Variants in KCNN2 observed in about 807,000 individuals in gnomAD.
KCNN2 encodes small conductance calcium-activated potassium channel protein 2.
In KCNN2, 24 loss-of-function variants were observed where a neutral mutation model predicts 55.5. That is an observed-to-expected ratio of 0.43 (90% confidence interval 0.31 to 0.61). KCNN2 has a LOEUF of 0.61. Ranked by LOEUF, KCNN2 falls within the 20% of genes least tolerant of loss-of-function variation. The pLI is 0.08. For synonymous variants in KCNN2, 431 were observed against 336.1 expected (o/e 1.28, Z -3.09); for missense variants, 754 against 853.6 (o/e 0.88, Z 1.45).
chr5:114,382,804 G>A (rs774818272), intron 2 of KCNN2, among the ~76,000 whole-genome samples: 11 of 152,174 alleles, frequency 7.2e-5, no homozygotes, highest in Non-Finnish European at 1.6e-4. Context: ...CTGGAAACTG[G>A]CCACTCCAAG....
intron 3 of KCNN2, among the ~76,000 whole-genome samples, chr5:114,429,147 T>C (rs965645252): frequency 6.6e-6 from 1 of 152,152 alleles, no homozygotes; most frequent in African/African-American, 2.4e-5. Context: ...ACTGAAAAAC[T>C]GTCTTCCAAA....
At chr5:114,437,985 G>A (rs183758294) in intron 3 of KCNN2, among the ~76,000 whole-genome samples, 6 of 152,188 alleles carry the variant, frequency 3.9e-5, no homozygotes, top group African/African-American at 7.2e-5. Context: ...ATGTTTAAAT[G>A]TTGTGACCAG....
chr5:114,385,993 A>C (rs941840809), intron 2 of KCNN2, among the ~76,000 whole-genome samples: 1 of 151,680 alleles, frequency 6.6e-6, no homozygotes, highest in African/African-American at 2.4e-5. Flanking sequence ...CCTGGCTAAC[A>C]TGGTGAAACC....
At chr5:114,072,305 A>G (rs1399621215) in intron 1 of KCNN2, among the ~76,000 whole-genome samples, 2 of 151,624 alleles carry the variant, frequency 1.3e-5, no homozygotes, top group Admixed American at 1.3e-4. Context: ...AAAAAAAAAA[A>G]GTAATGTCGA....
chr5:114,204,478 A>C (rs1234264398), intron 1 of KCNN2, among the ~76,000 whole-genome samples: 1 of 152,226 alleles, frequency 6.6e-6, no homozygotes, highest in East Asian at 1.9e-4. Flanking sequence ...CTTGAAGTTT[A>C]GAGACCTTTT....
At chr5:114,123,228 G>C (rs1222753529) in intron 1 of KCNN2, among the ~76,000 whole-genome samples, 1 of 151,984 alleles carries the variant, frequency 6.6e-6, no homozygotes, top group Non-Finnish European at 1.5e-5. Flanking sequence ...CACATTTGCT[G>C]CTGTATTGTA....
At chr5:114,282,303 G>C (rs138104236) in intron 2 of KCNN2, among the ~76,000 whole-genome samples, 3 of 152,096 alleles carry the variant, frequency 2.0e-5, no homozygotes, top group East Asian at 1.9e-4. Flanking sequence ...AGGAATCTAG[G>C]CATCTATGTT....
chr5:114,484,336 G>A (rs1408392262), intron 5 of KCNN2, among the ~76,000 whole-genome samples: 2 of 152,142 alleles, frequency 1.3e-5, no homozygotes, highest in Non-Finnish European at 2.9e-5. Context: ...TGGGAGGGAG[G>A]TTAGGGATAG....
chr5:114,188,301 C>G (rs537377266), intron 1 of KCNN2, among the ~76,000 whole-genome samples: 1 of 152,218 alleles, frequency 6.6e-6, no homozygotes, highest in East Asian at 1.9e-4. Flanking sequence ...TCTTTCAGAT[C>G]AAAACAATTC....
chr5:114,176,206 T>C (rs1753128793), intron 1 of KCNN2, among the ~76,000 whole-genome samples: 1 of 152,162 alleles, frequency 6.6e-6, no homozygotes, highest in African/African-American at 2.4e-5. Context: ...CAGTGCACCC[T>C]TTCCCAAGTG....
At chr5:114,234,591 G>C (rs1162906292) in intron 2 of KCNN2, among the ~76,000 whole-genome samples, 5 of 152,186 alleles carry the variant, frequency 3.3e-5, no homozygotes, top group African/African-American at 1.2e-4. Context: ...GACACTGTTT[G>C]GAAGGACATT....
chr5:114,475,788 G>T (rs1352022641), intron 5 of KCNN2, among the ~76,000 whole-genome samples: 1 of 151,970 alleles, frequency 6.6e-6, no homozygotes, highest in Non-Finnish European at 1.5e-5. Flanking sequence ...CTAGATCTAT[G>T]GATTTTGGTG....
chr5:114,180,985 T>A (rs1753226409), intron 1 of KCNN2, among the ~76,000 whole-genome samples: 1 of 152,254 alleles, frequency 6.6e-6, no homozygotes, highest in Admixed American at 6.5e-5. Flanking sequence ...TTTTTTATTC[T>A]TAAGTAGTAT....
At chr5:114,425,874 A>T (rs1445231199) in intron 3 of KCNN2, among the ~76,000 whole-genome samples, 2 of 152,118 alleles carry the variant, frequency 1.3e-5, no homozygotes, top group African/African-American at 4.8e-5. Context: ...GCAGCCAAAG[A>T]TCCTTTTAAA....
At chr5:114,274,108 A>G (rs1755429923) in intron 2 of KCNN2, among the ~76,000 whole-genome samples, 2 of 152,140 alleles carry the variant, frequency 1.3e-5, no homozygotes, top group Non-Finnish European at 2.9e-5. Flanking sequence ...TCATTCCCCC[A>G]TTGCTTGTGT....
At chr5:114,104,571 T>A (rs1208663911) in intron 1 of KCNN2, among the ~76,000 whole-genome samples, 1 of 152,052 alleles carries the variant, frequency 6.6e-6, no homozygotes, top group African/African-American at 2.4e-5. Flanking sequence ...TTGTTTGCAA[T>A]ACCCTGGTTC....
intron 1 of KCNN2, among the ~76,000 whole-genome samples, chr5:114,193,531 C>T (rs1177565888): frequency 6.6e-6 from 1 of 152,152 alleles, no homozygotes; most frequent in East Asian, 1.9e-4. Flanking sequence ...AGATTCTTCT[C>T]AACTCACTCT....
intron 1 of KCNN2, among the ~76,000 whole-genome samples, chr5:114,088,608 T>C (rs1375330437): frequency 6.6e-6 from 1 of 152,100 alleles, no homozygotes; most frequent in Non-Finnish European, 1.5e-5. Flanking sequence ...TATTTTTGTT[T>C]TTTGTTGTTA....
chr5:114,339,541 G>A (rs1223586750), intron 2 of KCNN2, among the ~76,000 whole-genome samples: 2 of 152,164 alleles, frequency 1.3e-5, no homozygotes, highest in African/African-American at 2.4e-5. Flanking sequence ...TGTGGCTCAT[G>A]TTTGTAATCC....
Sources: gnomAD v4.1 joint callset for allele counts (sites outside exome capture counted in the v4.1 genomes callset) on GRCh38, gnomAD v4.1.1 for gene constraint, MANE v1.5 for transcripts, NCBI Gene and HGNC (gene_info 2026-07-23, HGNC 2026-07-21) for gene names.